Variants in MCM3AP observed in about 807,000 individuals in gnomAD.
MCM3AP encodes the protein germinal-center associated nuclear protein.
Under a neutral mutation model 184.1 loss-of-function variants are expected in MCM3AP, and 126 were observed. The observed-to-expected ratio is 0.68, with a 90% CI of 0.59 to 0.79. MCM3AP has a LOEUF of 0.79. MCM3AP is among the 30% of genes least tolerant of loss of function. MCM3AP has a pLI of 0.00. For missense variants in MCM3AP, 2,496 were observed against 2,479.2 expected, an observed-to-expected ratio of 1.01 and a Z score of -0.14; for synonymous variants, 1,002 against 979.3, an observed-to-expected ratio of 1.02 and a Z score of -0.43.
intron 10 of MCM3AP, chr21:46,266,675 G>C: frequency 2.9e-6 from 1 of 350,818 alleles, no homozygotes; most frequent in African/African-American, 2.1e-5. Flanking sequence ...TCCGTCATTG[G>C]CTGGCAAAGG....
At chr21:46,237,441 G>GTAATCGGACACA (rs1555907671) in intron 26 of MCM3AP, among the ~76,000 whole-genome samples, 4 of 54,442 alleles carry the variant, frequency 7.3e-5, no homozygotes, top group East Asian at 4.0e-4. Context: ...GTCTCGCTCT[G>GTAATCGGACACA]TTGGCCAGGC....
chr21:46,284,368 C>G lies in MCM3AP; in HGVS notation c.919G>C (p.Glu307Gln). 6.2e-7 allele frequency: 1 copy of G among 1,614,182 alleles called. No homozygotes were observed. Among genetic ancestry groups the G allele is most frequent in the Non-Finnish European group, 8.5e-7 (1 of 1,180,040 alleles). Residue 307 changes from glutamate to glutamine, a missense_variant, in exon 1 of 28, where the codon GAG becomes CAG. Coordinates refer to ENST00000291688, the MANE Select transcript of MCM3AP (RefSeq NM_003906.5). ...QDRSPRRHGH[E>Q]PAEDSDPLSR... ...AGAGGATCCGAATCTTCTGCTGGCTCGTGGCCATGTCTCCTTGGGGAGCGA... is the reference window on the plus strand; with the variant it reads ...AGAGGATCCGAATCTTCTGCTGGCTGGTGGCCATGTCTCCTTGGGGAGCGA...
rs117748403 is a variant in MCM3AP, at chr21:46,238,417, A to C, written c.5634-1438T>G. Reference sequence around the variant, plus strand: ...TCCATATACCGGTCTTTTCAAGAAAAACAATCTTGGCCAGGTGCAGTGGCT... The same window carrying C: ...TCCATATACCGGTCTTTTCAAGAAACACAATCTTGGCCAGGTGCAGTGGCT... On this transcript the variant is annotated intron_variant, in intron 26 of 27. Coordinates refer to ENST00000291688, the MANE Select transcript of MCM3AP (RefSeq NM_003906.5). Among the ~76,000 whole-genome samples the C allele has an allele frequency of 1.1e-3, 137 of 120,528 alleles. 33 individuals are homozygous for C. In the East Asian group the frequency reaches 0.025, roughly 22 times the overall value. 79.1% of individuals were successfully genotyped at this position (120,528 alleles called of 152,430 possible). A position where few individuals can be genotyped will look rare whatever the true frequency, so the allele number is the denominator to read the frequency against.
chr21:46,256,710 A>C (rs551617622), intron 17 of MCM3AP, 79 bp downstream of exon 17: 1 of 1,480,490 alleles, frequency 6.8e-7, no homozygotes, highest in Admixed American at 2.2e-5. Flanking sequence ...CCCTCCAAAC[A>C]CACACATTAA....
chr21:46,281,146 A>G (rs1334145008), intron 2 of MCM3AP, among the ~76,000 whole-genome samples: 1 of 152,012 alleles, frequency 6.6e-6, no homozygotes, highest in Non-Finnish European at 1.5e-5. Flanking sequence ...AGAACTCACA[A>G]ACTTGGCCTT....
At position 46,260,891 on chromosome 21, in the gene MCM3AP, T is replaced by G. The variant is rs974242105; in HGVS notation, c.3483A>C (p.Arg1161Ser). The change falls in exon 15 of 28, where the codon AGA (arginine) becomes AGC (serine). Residue 1161 changes from arginine (R) to serine (S), a missense_variant. Around this residue, in one of 5 missense-constraint regions of MCM3AP, gnomAD observed 1,323 missense variants for 1,273.4 expected, o/e 1.04. Transcript: ENST00000291688. ...GGCTCAGCTCACTTAACACCAGCTC[T>G]CTCTCTTGTTTCAACCTACAGGGAA... is the stretch of plus-strand genomic sequence containing the variant. ...RAEEERLKQE[R>S]ELVLSELSQG... 12 of 1,612,506 alleles carry G rather than the reference T, an allele frequency of 7.4e-6. No homozygotes were observed. The highest frequency in any genetic ancestry group is 2.2e-5 in the South Asian group (2 of 91,056).
Position 46,266,848 on chromosome 21 carries a change from C to T in MCM3AP, c.2789+134G>A, listed in dbSNP as rs551591462. On this transcript the variant is annotated intron_variant, in intron 10 of 27. Coordinates refer to ENST00000291688, the MANE Select transcript of MCM3AP (RefSeq NM_003906.5). ...GAACACCCCCAGCCATTCTGAGTCTCGTGTGTTCACCTGCATGGCAGAGGG... is the reference window on the plus strand; with the variant it reads ...GAACACCCCCAGCCATTCTGAGTCTTGTGTGTTCACCTGCATGGCAGAGGG... The T allele has an allele frequency of 5.7e-5, 54 of 943,210 alleles. 1 individual carries two copies. Among genetic ancestry groups the T allele is most frequent in the East Asian group, 2.6e-4 (10 of 37,902 alleles). 58.4% of individuals were successfully genotyped at this position (943,210 alleles called of 1,614,324 possible).
chr21:46,240,511 G>A (rs1318663497), intron 26 of MCM3AP, among the ~76,000 whole-genome samples: 2 of 152,148 alleles, frequency 1.3e-5, no homozygotes, highest in Non-Finnish European at 2.9e-5. Context: ...ATAGTGTTCA[G>A]CACTCACCAT....
At chr21:46,256,658 C>T (rs945730564) in intron 17 of MCM3AP, 131 bp downstream of exon 17, 3 of 1,171,476 alleles carry the variant, frequency 2.6e-6, no homozygotes, top group Non-Finnish European at 3.5e-6. Flanking sequence ...TCCTCGCCTC[C>T]AGGCTTCACC....
intron 26 of MCM3AP, 47 bp downstream of exon 26, chr21:46,240,764 C>G (rs1484876956): frequency 6.5e-7 from 1 of 1,547,132 alleles, no homozygotes; most frequent in Non-Finnish European, 8.9e-7. Context: ...CCCCTCACAG[C>G]ATAAAGCAGA....
At chr21:46,253,645 G>A (rs2080905487) in intron 19 of MCM3AP, 1 of 151,918 alleles carries the variant, frequency 6.6e-6, no homozygotes, top group African/African-American at 2.4e-5. Flanking sequence ...CTGTTGTCAT[G>A]ATAGTGAGCT....
At chr21:46,280,418 C>A in intron 3 of MCM3AP, 79 bp downstream of exon 3, 1 of 1,079,726 alleles carries the variant, frequency 9.3e-7, no homozygotes, top group Non-Finnish European at 1.4e-6. Flanking sequence ...TCAGACTGGG[C>A]AACATAGCGA....
At chr21:46,240,680 T>A in intron 26 of MCM3AP, 131 bp downstream of exon 26, 1 of 767,832 alleles carries the variant, frequency 1.3e-6, no homozygotes, top group Non-Finnish European at 2.2e-6. Context: ...GTTACATCAC[T>A]AAAACTGTTG....
intron 4 of MCM3AP, among the ~76,000 whole-genome samples, chr21:46,278,187 A>C (rs1257055949): frequency 6.6e-6 from 1 of 152,044 alleles, no homozygotes; most frequent in Non-Finnish European, 1.5e-5. Flanking sequence ...AGATAGGCTC[A>C]TTTAAACAGC....
At chr21:46,260,968 T>A in intron 14 of MCM3AP, 62 bp from the exon 15 acceptor site, 1 of 1,319,604 alleles carries the variant, frequency 7.6e-7, no homozygotes, top group Non-Finnish European at 1.1e-6. Context: ...GTGCTGTTTG[T>A]TTTACTCCCT....
Position 46,246,646 on chromosome 21 carries a change from C to A in MCM3AP, c.4531G>T (p.Glu1511Ter). The change falls in exon 21 of 28, where the codon GAG becomes TAG. Residue 1511 changes from glutamate to a stop codon, truncating the protein, a stop_gained. Coordinates refer to ENST00000291688, the MANE Select transcript of MCM3AP (RefSeq NM_003906.5). LOFTEE classifies it high-confidence loss of function. The part of the protein sequence containing the change: ...LVPSPGGDAV[E>*]KEVEDGLMLQ... ...CACAAACCATCTTCTACTTCCTTCT[C>A]AACGGCGTCCCCTCCTGGGCTAGGC... 1 of 1,611,022 alleles carries A rather than the reference C, an allele frequency of 6.2e-7. No individual in the cohort carries two copies. The highest frequency in any genetic ancestry group is 8.5e-7 in the Non-Finnish European group (1 of 1,177,278).
intron 6 of MCM3AP, among the ~76,000 whole-genome samples, chr21:46,274,779 T>C (rs1301694296): frequency 1.3e-5 from 2 of 151,196 alleles, no homozygotes; most frequent in Non-Finnish European, 2.9e-5. Flanking sequence ...CTGCAAAAAA[T>C]AAAACAGTAA....
chr21:46,238,852 T>C (rs1228401768), intron 26 of MCM3AP, among the ~76,000 whole-genome samples: 1 of 152,234 alleles, frequency 6.6e-6, no homozygotes, highest in African/African-American at 2.4e-5. Flanking sequence ...CAAGGAATAT[T>C]GCACTGAAAC....
chr21:46,270,012 C>T (rs1374834294), intron 9 of MCM3AP, among the ~76,000 whole-genome samples: 2 of 152,344 alleles, frequency 1.3e-5, no homozygotes, highest in Non-Finnish European at 2.9e-5. Context: ...AGGAACTTAG[C>T]GCCATCAGCC....
Sources: allele counts gnomAD v4.1 joint callset (sites outside exome capture counted in the v4.1 genomes callset), GRCh38; gene constraint gnomAD v4.1.1; regional missense constraint gnomAD v4.1.1; transcripts MANE v1.5; gene names NCBI Gene and HGNC (gene_info 2026-07-23, HGNC 2026-07-21).